The following TMEM132C variants were observed in gnomAD, a reference collection of about 807,000 sequenced individuals.
TMEM132C encodes protein phosphatase 1, regulatory subunit 152.
Under a neutral mutation model 61.4 loss-of-function variants are expected in TMEM132C, and 29 were observed. The ratio of observed to expected loss-of-function variants is 0.47; its 90% CI spans 0.35 to 0.64. The LOEUF (loss-of-function observed/expected upper bound fraction) is 0.64. Ranked by LOEUF, TMEM132C falls within the 30% of genes least tolerant of loss-of-function variation. The pLI is 0.00. For synonymous variants in TMEM132C, 656 were observed against 633.1 expected, an observed-to-expected ratio of 1.04 and a Z score of -0.54; for missense variants, 1,408 against 1,476.9, an observed-to-expected ratio of 0.95 and a Z score of 0.76.
At chr12:128,438,305 G>T (rs1164780041) in intron 2 of TMEM132C, among the ~76,000 whole-genome samples, 1 of 152,108 alleles carries the variant, frequency 6.6e-6, no homozygotes, top group East Asian at 1.9e-4. Context: ...GGGTGGGAAT[G>T]AGTGCTTGCT....
At chr12:128,680,569 C>T (rs1220535340) in intron 5 of TMEM132C, among the ~76,000 whole-genome samples, 2 of 152,242 alleles carry the variant, frequency 1.3e-5, no homozygotes, top group Non-Finnish European at 2.9e-5. Flanking sequence ...TCATTAGTCA[C>T]ATGTGGCTAG....
At chr12:128,593,777 G>A (rs1365960510) in intron 3 of TMEM132C, among the ~76,000 whole-genome samples, 2 of 152,176 alleles carry the variant, frequency 1.3e-5, no homozygotes, top group Non-Finnish European at 2.9e-5. Context: ...TTCTGAAGAT[G>A]AGAGACATAG....
In TMEM132C at chr12:128,465,201, C is replaced by CT. The variant is rs776251493; in HGVS notation, c.974+49596dup. On this transcript the variant is annotated intron_variant, in intron 2 of 8. Transcript: ENST00000435159. ...TCATCATCCTGATCATTCTTCATTTCTTTTTTTTTTTTTTTGAGACAGTGT... is the reference window on the plus strand; with the variant it reads ...TCATCATCCTGATCATTCTTCATTTCTTTTTTTTTTTTTTTTGAGACAGTGT... 2.9e-3 allele frequency among the ~76,000 whole-genome samples: 412 copies of CT among 140,302 alleles called. 2 individuals are homozygous for CT. The highest frequency in any genetic ancestry group is 0.011 in the Middle Eastern group (3 of 270). The allele number at this position is 140,302 out of a possible 152,430, so 92.0% of individuals were successfully genotyped here.
intron 1 of TMEM132C, among the ~76,000 whole-genome samples, chr12:128,357,734 C>G (rs1299768026): frequency 6.6e-6 from 1 of 151,162 alleles, no homozygotes; most frequent in Admixed American, 6.6e-5. Context: ...CCCAAAGAAG[C>G]AAATATTCCC....
chr12:128,270,974 G>A (rs768031566), intron 1 of TMEM132C, among the ~76,000 whole-genome samples: 1 of 151,964 alleles, frequency 6.6e-6, no homozygotes, highest in African/African-American at 2.4e-5. Context: ...GTGAGAGTTG[G>A]TCAGGCACGG....
At chr12:128,636,300 T>A (rs1007623708) in intron 4 of TMEM132C, among the ~76,000 whole-genome samples, 1 of 152,184 alleles carries the variant, frequency 6.6e-6, no homozygotes, top group Admixed American at 6.5e-5. Context: ...CATCCTCCCA[T>A]CTCAGCCTCC....
At chr12:128,554,660 A>G (rs1319051410) in intron 3 of TMEM132C, among the ~76,000 whole-genome samples, 2 of 152,202 alleles carry the variant, frequency 1.3e-5, no homozygotes, top group East Asian at 1.9e-4. Flanking sequence ...TGGGAACTCG[A>G]CTGTGCCTCT....
intron 1 of TMEM132C, among the ~76,000 whole-genome samples, chr12:128,306,873 G>A (rs1871801331): frequency 6.6e-6 from 1 of 152,120 alleles, no homozygotes; most frequent in Admixed American, 6.5e-5. Context: ...AAAAGCCTGG[G>A]CATATGTTAG....
chr12:128,670,890 G>T (rs1176396754), intron 5 of TMEM132C, among the ~76,000 whole-genome samples: 3 of 152,144 alleles, frequency 2.0e-5, no homozygotes, highest in Admixed American at 2.0e-4. Context: ...GTCTCCAAAA[G>T]AACGGAAAAT....
At position 128,489,541 on chromosome 12, in the gene TMEM132C, C is replaced by T. The variant is rs78390089; in HGVS notation, c.975-54416C>T. ...ATTTAAAGGCAAGCTGATGTCCCTC[C>T]ATTATATATTTTTATATGCTCATAT... On this transcript the variant is annotated intron_variant, in intron 2 of 8. Coordinates refer to ENST00000435159, the MANE Select transcript of TMEM132C (RefSeq NM_001136103.3). Among the ~76,000 whole-genome samples the T allele has an allele frequency of 3.0e-3, 372 of 123,892 alleles. 20 individuals carry two copies. In the East Asian group the frequency reaches 0.089, roughly 30 times the overall value. The allele number at this position is 123,892 out of a possible 152,430, so 81.3% of individuals were successfully genotyped here.
intron 5 of TMEM132C, among the ~76,000 whole-genome samples, chr12:128,690,440 T>C (rs1352895231): frequency 6.6e-6 from 1 of 152,188 alleles, no homozygotes; most frequent in Admixed American, 6.5e-5. Flanking sequence ...CCTTCAGGAA[T>C]AGCAGTGACG....
chr12:128,687,833 G>A (rs555497443), intron 5 of TMEM132C, among the ~76,000 whole-genome samples: 1 of 152,216 alleles, frequency 6.6e-6, no homozygotes, highest in Non-Finnish European at 1.5e-5. Flanking sequence ...TTCCAAACAA[G>A]CCCACAGTCT....
chr12:128,529,797 A>C (rs1039131910), intron 2 of TMEM132C, among the ~76,000 whole-genome samples: 3 of 152,216 alleles, frequency 2.0e-5, no homozygotes, highest in Non-Finnish European at 2.9e-5. Flanking sequence ...CAAAAAAGTA[A>C]AAATAAAAGA....
intron 1 of TMEM132C, among the ~76,000 whole-genome samples, chr12:128,352,838 G>A (rs1445688594): frequency 6.6e-6 from 1 of 152,200 alleles, no homozygotes; most frequent in Non-Finnish European, 1.5e-5. Context: ...CCAGGGCAAA[G>A]TTGTGATTTT....
intron 1 of TMEM132C, among the ~76,000 whole-genome samples, chr12:128,291,164 T>TGA (rs1871235052): frequency 6.6e-6 from 1 of 152,202 alleles, no homozygotes; most frequent in Non-Finnish European, 1.5e-5. Flanking sequence ...CTGAGCCAGC[T>TGA]GCAAGGCGAT....
rs1009637324 is a variant in TMEM132C at position 128,531,620 on chromosome 12, C to T, written c.975-12337C>T. Among the ~76,000 whole-genome samples the T allele has an allele frequency of 4.6e-5, 7 of 152,364 alleles. No homozygotes were observed. The South Asian group carries it at 1.0e-3, about 23-fold the overall frequency. On this transcript the variant is annotated intron_variant, in intron 2 of 8. Coordinates refer to ENST00000435159, the MANE Select transcript of TMEM132C (RefSeq NM_001136103.3). ...AGGCACATACCTGCTCACATGCATG[C>T]ACATACACATGACTTCTCTTAGGAA...
At chr12:128,533,948 TACACACAC>T (rs55794743) in intron 2 of TMEM132C, among the ~76,000 whole-genome samples, 6,714 of 145,740 alleles carry the variant, frequency 0.046, 248 homozygotes, top group Admixed American at 0.12. Flanking sequence ...CATGCGCACA[TACACACAC>T]ACACACACAC....
At chr12:128,285,093 AG>A (rs1258795677) in intron 1 of TMEM132C, among the ~76,000 whole-genome samples, 1 of 152,184 alleles carries the variant, frequency 6.6e-6, no homozygotes, top group African/African-American at 2.4e-5. Context: ...AAGTGAGCCA[AG>A]ATTGCACCAC....
At chr12:128,458,330 T>A (rs1337804273) in intron 2 of TMEM132C, among the ~76,000 whole-genome samples, 1 of 148,784 alleles carries the variant, frequency 6.7e-6, no homozygotes, top group East Asian at 1.9e-4. Context: ...TACATATTTA[T>A]TATAGTATAT....
Sources: gnomAD v4.1 joint callset for allele counts (sites outside exome capture counted in the v4.1 genomes callset) on GRCh38, gnomAD v4.1.1 for gene constraint, MANE v1.5 for transcripts, NCBI Gene and HGNC (gene_info 2026-07-23, HGNC 2026-07-21) for gene names.